The following DENND1A variants were observed in gnomAD, a reference collection of about 807,000 sequenced individuals.
The protein encoded by DENND1A is DENN domain-containing protein 1A.
In DENND1A, 51 loss-of-function variants were observed where a neutral mutation model predicts 113.7. That is an observed-to-expected ratio of 0.45 (90% CI 0.36 to 0.57). DENND1A has a LOEUF of 0.57. Among genes scored for constraint, DENND1A ranks in the 20% least tolerant of loss-of-function variants. The pLI is 0.00. For missense variants in DENND1A, 1,258 were observed against 1,395.9 expected, an observed-to-expected ratio of 0.90 and a Z score of 1.57; for synonymous variants, 565 against 570.8, an observed-to-expected ratio of 0.99 and a Z score of 0.14.
intron 2 of DENND1A, among the ~76,000 whole-genome samples, chr9:123,876,898 C>G (rs888512884): frequency 6.6e-6 from 1 of 152,072 alleles, no homozygotes; most frequent in Non-Finnish European, 1.5e-5. Flanking sequence ...GAAATAATGT[C>G]TTTTGCAGTT....
At position 123,435,441 on chromosome 9, in the gene DENND1A, A is replaced by G. The variant is rs567605283; in HGVS notation, c.1488+4919T>C. Among the ~76,000 whole-genome samples, 193 of 152,326 alleles carry G rather than the reference A, an allele frequency of 1.3e-3. 1 individual carries two copies. Among genetic ancestry groups the G allele is most frequent in the African/African-American group, 4.1e-3 (171 of 41,582 alleles). ...TCCCTGCCACAGTTCTCTGGAAGCC[A>G]CGGTGGTGCTTGGTTTTGGTTTTGG... On this transcript the variant is annotated intron_variant, in intron 19 of 23. Coordinates refer to ENST00000394215, the MANE Select transcript of DENND1A (RefSeq NM_001352964.2).
chr9:123,733,760 G>A (rs2068359211), intron 5 of DENND1A, among the ~76,000 whole-genome samples: 1 of 151,554 alleles, frequency 6.6e-6, no homozygotes, highest in African/African-American at 2.4e-5. Context: ...CCATCTCCTG[G>A]TTTCAAGCAA....
chr9:123,758,368 C>T (rs1483527989), intron 4 of DENND1A, among the ~76,000 whole-genome samples: 2 of 152,152 alleles, frequency 1.3e-5, no homozygotes, highest in Non-Finnish European at 2.9e-5. Context: ...ATGCGTAGAC[C>T]ATCTCCCTGA....
At chr9:123,733,287 T>C (rs1018508927) in intron 5 of DENND1A, among the ~76,000 whole-genome samples, 2 of 151,638 alleles carry the variant, frequency 1.3e-5, no homozygotes, top group Admixed American at 6.6e-5. Context: ...GGCCAGTTTG[T>C]TTGTTTTTTA....
chr9:123,624,584 A>G (rs1174141377), intron 10 of DENND1A, among the ~76,000 whole-genome samples: 4 of 152,232 alleles, frequency 2.6e-5, no homozygotes, highest in Non-Finnish European at 4.4e-5. Context: ...AAAGACTGCT[A>G]TTACAGAAAC....
rs2070387146 is a variant in DENND1A, at chr9:123,754,893, T to C, written c.302+2810A>G. On this transcript the variant is annotated intron_variant, in intron 5 of 23. Transcript: ENST00000394215. ...ACAAGCAAATTCAAATGTAAATTTT[T>C]AAATGAATACTTTTATCAAAATTTG... Among the ~76,000 whole-genome samples the C allele has an allele frequency of 2.0e-5, 3 of 152,344 alleles. No homozygotes were observed. In the South Asian group the frequency reaches 6.2e-4, roughly 32 times the overall value.
At chr9:123,815,083 C>T (rs1443948038) in intron 2 of DENND1A, among the ~76,000 whole-genome samples, 2 of 152,094 alleles carry the variant, frequency 1.3e-5, no homozygotes, top group African/African-American at 4.8e-5. Context: ...GAAAAGAAAG[C>T]GATGTGGTTA....
intron 17 of DENND1A, 61 bp from the exon 18 acceptor site, chr9:123,450,810 G>T: frequency 7.2e-7 from 1 of 1,394,078 alleles, no homozygotes; most frequent in Non-Finnish European, 1.0e-6. Context: ...GACTATGCTT[G>T]ATTTCAGTCC....
intron 12 of DENND1A, among the ~76,000 whole-genome samples, chr9:123,566,536 A>G (rs1185959996): frequency 6.6e-6 from 1 of 152,216 alleles, no homozygotes; most frequent in Non-Finnish European, 1.5e-5. Flanking sequence ...AAAAGCATCA[A>G]TTATCATTAT....
chr9:123,505,245 T>G (rs986057669), intron 13 of DENND1A, among the ~76,000 whole-genome samples: 5 of 152,274 alleles, frequency 3.3e-5, no homozygotes, highest in Non-Finnish European at 5.9e-5. Context: ...TGGGGCTTTA[T>G]GTAAATATGT....
At chr9:123,763,898 T>C (rs780894800) in intron 4 of DENND1A, among the ~76,000 whole-genome samples, 1 of 152,084 alleles carries the variant, frequency 6.6e-6, no homozygotes. Context: ...GAAGGATAAG[T>C]TGAAGTGTGT....
chr9:123,599,947 T>C (rs1448964296), intron 11 of DENND1A, among the ~76,000 whole-genome samples: 4 of 152,082 alleles, frequency 2.6e-5, no homozygotes, highest in South Asian at 2.1e-4. Context: ...CGGCTGAGCA[T>C]GGTGTTAAAC....
intron 22 of DENND1A, among the ~76,000 whole-genome samples, chr9:123,385,949 G>A (rs1157192971): frequency 6.6e-6 from 1 of 152,138 alleles, no homozygotes; most frequent in Non-Finnish European, 1.5e-5. Context: ...TTTGAGTTAG[G>A]ATGGGCTAGT....
intron 19 of DENND1A, among the ~76,000 whole-genome samples, chr9:123,427,124 A>G (rs915956447): frequency 6.6e-6 from 1 of 152,248 alleles, no homozygotes; most frequent in East Asian, 1.9e-4. Flanking sequence ...TGGGGTTTAG[A>G]ACAAACAAAA....
intron 3 of DENND1A, among the ~76,000 whole-genome samples, chr9:123,778,558 A>AG (rs1209414079): frequency 6.6e-6 from 1 of 152,198 alleles, no homozygotes; most frequent in Non-Finnish European, 1.5e-5. Flanking sequence ...CTAAGGAAGG[A>AG]GCCGGCAAAC....
intron 5 of DENND1A, among the ~76,000 whole-genome samples, chr9:123,701,786 C>T (rs1246190919): frequency 2.6e-5 from 4 of 152,190 alleles, no homozygotes; most frequent in African/African-American, 9.7e-5. Flanking sequence ...AGGGACCAGA[C>T]CAGACAACCT....
At chr9:123,538,401 T>C (rs2055961268) in intron 13 of DENND1A, among the ~76,000 whole-genome samples, 1 of 152,198 alleles carries the variant, frequency 6.6e-6, no homozygotes, top group Non-Finnish European at 1.5e-5. Context: ...ATGAGTATCC[T>C]AAGCCAGGTT....
intron 9 of DENND1A, among the ~76,000 whole-genome samples, chr9:123,633,335 A>G (rs151216149): frequency 7.9e-5 from 12 of 152,312 alleles, no homozygotes; most frequent in Admixed American, 4.6e-4. Flanking sequence ...ACACACGTGC[A>G]CTAGTTAATG....
At chr9:123,777,222 C>A (rs1830598967) in intron 3 of DENND1A, among the ~76,000 whole-genome samples, 1 of 152,188 alleles carries the variant, frequency 6.6e-6, no homozygotes, top group Admixed American at 6.5e-5. Flanking sequence ...AAAAAGGCCT[C>A]CAGTATGCAG....
Sources: gnomAD v4.1 joint callset for allele counts (sites outside exome capture counted in the v4.1 genomes callset) on GRCh38, gnomAD v4.1.1 for gene constraint, MANE v1.5 for transcripts, NCBI Gene and HGNC (gene_info 2026-07-23, HGNC 2026-07-21) for gene names.